Variants in IFT122 observed in about 807,000 individuals in gnomAD.
IFT122 encodes the protein intraflagellar transport protein 122 homolog.
Under a neutral mutation model 161.6 loss-of-function variants are expected in IFT122, and 118 were observed. The ratio of observed to expected loss-of-function variants is 0.73; its 90% CI spans 0.63 to 0.85. The LOEUF (loss-of-function observed/expected upper bound fraction) is 0.85. IFT122 is among the 40% of genes least tolerant of loss of function. IFT122 has a pLI of 0.00. For missense variants in IFT122, 1,381 were observed against 1,579.6 expected (o/e 0.87, Z 2.13); for synonymous variants, 550 against 602.4 (o/e 0.91, Z 1.27).
chr3:129,452,843 CAG>C (rs149929955), intron 3 of IFT122, among the ~76,000 whole-genome samples: 17,750 of 152,064 alleles, frequency 0.12, 1,394 homozygotes, highest in Non-Finnish European at 0.18. Context: ...ATCATCCAGA[CAG>C]GGGGTGATGG....
rs559762890 is a variant in IFT122, at chr3:129,478,647, T to C, written c.1350+429T>C. Among the ~76,000 whole-genome samples the C allele has an allele frequency of 3.3e-5, 5 of 152,228 alleles. No homozygotes were observed. The South Asian group carries it at 1.0e-3, about 32-fold the overall frequency. On this transcript the variant is annotated intron_variant, in intron 12 of 29. Transcript: ENST00000348417. Reference sequence around the variant, plus strand: ...TTAGTAGAGACGCGAGGCTGTACTTTGGGAGGCTAAGGCGGGAGGAATGCT... The same window carrying C: ...TTAGTAGAGACGCGAGGCTGTACTTCGGGAGGCTAAGGCGGGAGGAATGCT...
At chr3:129,476,556 A>G in intron 10 of IFT122, 50 bp downstream of exon 10, 1 of 1,612,966 alleles carries the variant, frequency 6.2e-7, no homozygotes, top group Non-Finnish European at 8.5e-7. Flanking sequence ...AGAGGCACTG[A>G]GCAGCCGCCG....
At chr3:129,515,914 C>G (rs935789217) in intron 26 of IFT122, among the ~76,000 whole-genome samples, 2 of 152,166 alleles carry the variant, frequency 1.3e-5, no homozygotes, top group African/African-American at 4.8e-5. Flanking sequence ...GATAGGTTAT[C>G]AAGGCCCAGC....
At chr3:129,508,463 AC>A (rs2082420486) in intron 23 of IFT122, among the ~76,000 whole-genome samples, 1 of 152,060 alleles carries the variant, frequency 6.6e-6, no homozygotes, top group South Asian at 2.1e-4. Flanking sequence ...AAGGACTGTC[AC>A]CCCCATGTTA....
Position 129,440,381 on chromosome 3 carries a change from G to A in IFT122, c.41+10G>A. 6.4e-7 allele frequency: 1 copy of A among 1,550,532 alleles called. No individual in the cohort carries two copies. The highest frequency in any genetic ancestry group is 8.7e-7 in the Non-Finnish European group (1 of 1,146,796). ...ATAAAGCCGAGCACTGGTGAGGAGC[G>A]GGGCGGTTCGCGAAGAGCAGGAGGT... is the stretch of plus-strand genomic sequence containing the variant. On this transcript the variant is annotated intron_variant, in intron 1 of 29. Coordinates refer to ENST00000348417, the MANE Select transcript of IFT122 (RefSeq NM_052989.3).
chr3:129,493,739 T>C (rs2080444541), intron 17 of IFT122, among the ~76,000 whole-genome samples: 1 of 152,234 alleles, frequency 6.6e-6, no homozygotes, highest in Non-Finnish European at 1.5e-5. Context: ...CTTTCACTTG[T>C]AAATCCACTG....
chr3:129,478,268 C>A (rs1343663064), intron 12 of IFT122, 50 bp downstream of exon 12: 1 of 1,525,306 alleles, frequency 6.6e-7, no homozygotes, highest in Non-Finnish European at 9.1e-7. Flanking sequence ...TTTGTGCTCC[C>A]CCCCCAGTGA....
In IFT122 at chr3:129,500,002, T is replaced by G. The variant is rs138715299; in HGVS notation, c.2309T>G (p.Met770Arg). Reference protein sequence around the residue: ...NIKEPKAAVEMYISAGEHVKA... With the variant: ...NIKEPKAAVERYISAGEHVKA... ...AAGGAGCCCAAAGCCGCCGTGGAGA[T>G]GTACATCTCAGCAGGAGAGCACGTC... Residue 770 changes from methionine to arginine, a missense_variant, in exon 19 of 30, where the codon ATG (methionine) becomes AGG (arginine). By Grantham distance (91) the Met-to-Arg change is moderately conservative. Around this residue, in one of 7 missense-constraint regions of IFT122, gnomAD observed 496 missense variants for 502.5 expected, o/e 0.99. Transcript: ENST00000348417. 4.3e-6 allele frequency: 7 copies of G among 1,614,182 alleles called. No individual in the cohort carries two copies. Among genetic ancestry groups the G allele is most frequent in the Non-Finnish European group, 5.9e-6 (7 of 1,180,038 alleles).
intron 8 of IFT122, 41 bp downstream of exon 8, chr3:129,467,107 C>T (rs1423738435): frequency 1.9e-6 from 3 of 1,580,084 alleles, no homozygotes; most frequent in East Asian, 2.2e-5. Flanking sequence ...CTGGTAAGGG[C>T]CCAGGCCCCA....
chr3:129,510,809 C>T (rs1371817675), intron 23 of IFT122, among the ~76,000 whole-genome samples: 3 of 152,328 alleles, frequency 2.0e-5, no homozygotes, highest in South Asian at 4.1e-4. Flanking sequence ...CAATAAATGC[C>T]TACTACGTGA....
intron 5 of IFT122, 200 bp downstream of exon 5, chr3:129,461,504 A>T (rs1242231839): frequency 1.4e-5 from 9 of 621,220 alleles, no homozygotes; most frequent in Non-Finnish European, 2.6e-5. Flanking sequence ...TTACTCTGGT[A>T]AGACATCAGA....
intron 1 of IFT122, among the ~76,000 whole-genome samples, chr3:129,443,942 G>A (rs2073615173): frequency 6.6e-6 from 1 of 152,162 alleles, no homozygotes; most frequent in South Asian, 2.1e-4. Flanking sequence ...TGAAGAAGAG[G>A]TCACACAGGA....
At chr3:129,467,598 G>A (rs980073652) in intron 8 of IFT122, among the ~76,000 whole-genome samples, 1 of 152,124 alleles carries the variant, frequency 6.6e-6, no homozygotes, top group African/African-American at 2.4e-5. Flanking sequence ...TTTCTAGGAT[G>A]TATATCAGAG....
At chr3:129,514,641 AAG>A (rs1285434777) in intron 25 of IFT122, 87 bp downstream of exon 25, 1 of 1,479,210 alleles carries the variant, frequency 6.8e-7, no homozygotes. Context: ...GTTCCGTTTG[AAG>A]AGAGACAGCT....
intron 5 of IFT122, chr3:129,463,246 T>G (rs1181137207): frequency 6.1e-6 from 2 of 325,446 alleles, no homozygotes; most frequent in Non-Finnish European, 1.2e-5. Context: ...ATGTGTAGAT[T>G]GCCATCAGCG....
chr3:129,484,045 G>A (rs1202974806), intron 15 of IFT122, among the ~76,000 whole-genome samples: 1 of 152,052 alleles, frequency 6.6e-6, no homozygotes, highest in Non-Finnish European at 1.5e-5. Flanking sequence ...GAGTACGTGT[G>A]TGATGGTGGT....
intron 27 of IFT122, 152 bp downstream of exon 27, chr3:129,517,746 A>G: frequency 9.1e-7 from 1 of 1,094,502 alleles, no homozygotes. Context: ...CACATGGGAC[A>G]GGGACAGGGA....
At chr3:129,446,034 TGGG>T (rs750869627) in intron 1 of IFT122, among the ~76,000 whole-genome samples, 5 of 152,030 alleles carry the variant, frequency 3.3e-5, no homozygotes, top group Non-Finnish European at 7.4e-5. Flanking sequence ...TGATGGGAAA[TGGG>T]GGTCAAACAT....
At chr3:129,461,134 C>T in intron 4 of IFT122, 94 bp from the exon 5 acceptor site, 1 of 1,095,400 alleles carries the variant, frequency 9.1e-7, no homozygotes, top group Non-Finnish European at 1.4e-6. Flanking sequence ...GGTCTAAAGT[C>T]AGAGGCTGTG....
Sources: allele counts gnomAD v4.1 joint callset (sites outside exome capture counted in the v4.1 genomes callset), GRCh38; gene constraint gnomAD v4.1.1; regional missense constraint gnomAD v4.1.1; transcripts MANE v1.5; gene names NCBI Gene and HGNC (gene_info 2026-07-23, HGNC 2026-07-21).